The following ASAP1 variants were observed in gnomAD, a reference collection of about 807,000 sequenced individuals.
ASAP1 encodes the protein ArfGAP with SH3 domain, ankyrin repeat and PH domain 1, also known as arf-GAP with SH3 domain, ANK repeat and PH domain-containing protein 1.
A neutral mutation model predicts 145.2 loss-of-function variants in ASAP1; 43 were observed. The ratio of observed to expected loss-of-function variants is 0.30; its 90% confidence interval spans 0.23 to 0.38. ASAP1 has a LOEUF of 0.38. Among genes scored for constraint, ASAP1 ranks in the 10% least tolerant of loss-of-function variants. The pLI, the probability that ASAP1 is intolerant of heterozygous loss-of-function variation, is 1.00. For missense variants in ASAP1, 1,018 were observed against 1,355.3 expected (o/e 0.75, Z 3.91); for synonymous variants, 546 against 515.5 (o/e 1.06, Z -0.80).
chr8:130,072,830 C>CGCACGG (rs1448184178), intron 27 of ASAP1, among the ~76,000 whole-genome samples: 1 of 31,922 alleles, frequency 3.1e-5, no homozygotes. Context: ...TGTGTGCGCG[C>CGCACGG]GGGGGGGGGC....
chr8:130,228,664 G>A (rs1008918614), intron 4 of ASAP1, among the ~76,000 whole-genome samples: 3 of 145,948 alleles, frequency 2.1e-5, no homozygotes, highest in Non-Finnish European at 3.0e-5. Context: ...TCATGCCATC[G>A]CACTCCAGCC....
intron 2 of ASAP1, among the ~76,000 whole-genome samples, chr8:130,395,780 C>T (rs11781126): frequency 0.085 from 12,960 of 151,926 alleles, 617 homozygotes; most frequent in African/African-American, 0.14. Flanking sequence ...GATTCTCCTG[C>T]CTCAGCCTCC....
chr8:130,157,613 G>A (rs1002818048), intron 12 of ASAP1, among the ~76,000 whole-genome samples: 2 of 152,034 alleles, frequency 1.3e-5, no homozygotes, highest in African/African-American at 2.4e-5. Flanking sequence ...CCCACCTCAC[G>A]GAGTGGTTCC....
intron 1 of ASAP1, among the ~76,000 whole-genome samples, chr8:130,439,666 G>A (rs764969862): frequency 1.3e-5 from 2 of 152,182 alleles, no homozygotes; most frequent in Admixed American, 1.3e-4. Context: ...AAGCATCTTC[G>A]AGGAGATAAA....
chr8:130,397,081 C>T (rs184315173), intron 2 of ASAP1, among the ~76,000 whole-genome samples: 32 of 152,192 alleles, frequency 2.1e-4, no homozygotes, highest in Admixed American at 1.4e-3. Context: ...GGATGACAAC[C>T]GCATTGCTGT....
intron 23 of ASAP1, among the ~76,000 whole-genome samples, chr8:130,113,768 T>A (rs1028630337): frequency 2.0e-5 from 3 of 151,958 alleles, no homozygotes; most frequent in African/African-American, 4.8e-5. Flanking sequence ...CAATGTCCCT[T>A]ATGTACTTTT....
chr8:130,068,145 G>A (rs1308073046), intron 27 of ASAP1, among the ~76,000 whole-genome samples: 1 of 152,204 alleles, frequency 6.6e-6, no homozygotes, highest in African/African-American at 2.4e-5. Flanking sequence ...AACTCCCCAG[G>A]AGTTGGGGCA....
intron 2 of ASAP1, among the ~76,000 whole-genome samples, chr8:130,378,437 G>C (rs1586938075): frequency 1.3e-5 from 2 of 152,228 alleles, no homozygotes; most frequent in South Asian, 4.1e-4. Flanking sequence ...AGGATGGCTG[G>C]CAAAGGATGG....
chr8:130,415,286 T>C (rs997959779), intron 1 of ASAP1, among the ~76,000 whole-genome samples: 1 of 151,280 alleles, frequency 6.6e-6, no homozygotes, highest in Non-Finnish European at 1.5e-5. Context: ...CTAGGCAATA[T>C]AGTGAGACTT....
intron 25 of ASAP1, among the ~76,000 whole-genome samples, chr8:130,086,103 C>T (rs560095115): frequency 7.7e-4 from 118 of 152,346 alleles, no homozygotes; most frequent in African/African-American, 2.8e-3. Flanking sequence ...TCGCCTTCTC[C>T]ACACTTCAGC....
At position 130,358,879 on chromosome 8, in the gene ASAP1, C is replaced by T. The variant is rs948568307; in HGVS notation, c.60-736G>A. 6.6e-6 allele frequency among the ~76,000 whole-genome samples: 1 copy of T among 152,030 alleles called. No individual in the cohort carries two copies. The highest frequency in any genetic ancestry group is 2.4e-5 in the African/African-American group (1 of 41,416). ...TTCGCCCCCGGAGCGGTTACTTCAG[C>T]GAGCTCGTTGCGCGAGCGTTTTGCA... On this transcript the variant is annotated intron_variant, in intron 2 of 29. Coordinates refer to ENST00000518721, the MANE Select transcript of ASAP1 (RefSeq NM_018482.4). This position sits in a 1 kb window ranked among gnomAD's most constrained non-coding sequence, Gnocchi z 4.1.
chr8:130,283,587 G>GAAAAAAAAAA (rs71304303), intron 3 of ASAP1, among the ~76,000 whole-genome samples: 13 of 20,866 alleles, frequency 6.2e-4, no homozygotes, highest in African/African-American at 1.7e-3. Context: ...ATCACAGAAA[G>GAAAAAAAAAA]AAAAAAAAAA....
At chr8:130,432,110 A>G (rs1587042264) in intron 1 of ASAP1, among the ~76,000 whole-genome samples, 3 of 88,470 alleles carry the variant, frequency 3.4e-5, no homozygotes, top group Admixed American at 1.6e-4. Context: ...GAAGAGGGGG[A>G]GAGGGAAGAG....
At chr8:130,262,095 C>T (rs1260622218) in intron 3 of ASAP1, among the ~76,000 whole-genome samples, 1 of 151,748 alleles carries the variant, frequency 6.6e-6, no homozygotes, top group Non-Finnish European at 1.5e-5. Context: ...GTTTCCAGTG[C>T]TATTAAAAAA....
At chr8:130,423,792 T>C (rs1235096099) in intron 1 of ASAP1, among the ~76,000 whole-genome samples, 1 of 152,240 alleles carries the variant, frequency 6.6e-6, no homozygotes, top group Non-Finnish European at 1.5e-5. Flanking sequence ...CTTCTTTATC[T>C]TTTCTTGTTC....
chr8:130,195,554 T>G (rs2136278202), intron 5 of ASAP1, among the ~76,000 whole-genome samples: 1 of 152,192 alleles, frequency 6.6e-6, no homozygotes, highest in Admixed American at 6.5e-5. Context: ...AGAATGATAT[T>G]TAGGTATGGT....
chr8:130,319,315 TA>T (rs1046507281), intron 3 of ASAP1, among the ~76,000 whole-genome samples: 8 of 151,926 alleles, frequency 5.3e-5, no homozygotes, highest in Admixed American at 4.6e-4. Flanking sequence ...TAAAATAAAA[TA>T]AAAAAAGGAA....
intron 13 of ASAP1, among the ~76,000 whole-genome samples, chr8:130,141,783 T>C (rs2097612202): frequency 6.6e-6 from 1 of 152,100 alleles, no homozygotes; most frequent in African/African-American, 2.4e-5. Flanking sequence ...AGTGGCACAA[T>C]CATGGCTCAC....
rs116984404 is a variant in ASAP1, at chr8:130,124,790, G to T, written c.1516-686C>A. On this transcript the variant is annotated intron_variant, in intron 17 of 29. Coordinates refer to ENST00000518721, the MANE Select transcript of ASAP1 (RefSeq NM_018482.4). ...ATTGCATGGCAAACGTTTAGGATTT[G>T]GACTTTCCTCTTTCTTGTTGTCAAA... 3.3e-5 allele frequency among the ~76,000 whole-genome samples: 5 copies of T among 152,190 alleles called. No individual in the cohort carries two copies. The East Asian group carries it at 9.6e-4, about 29-fold the overall frequency.
Sources: gnomAD v4.1 joint callset for allele counts (sites outside exome capture counted in the v4.1 genomes callset) on GRCh38, gnomAD v4.1.1 for gene constraint, Gnocchi (gnomAD v3.1) non-coding constraint, MANE v1.5 for transcripts, NCBI Gene and HGNC (gene_info 2026-07-23, HGNC 2026-07-21) for gene names.